Variants in NBEAL1 observed in about 807,000 individuals in gnomAD.
NBEAL1 encodes the protein neurobeachin-like protein 1.
A neutral mutation model predicts 351.3 loss-of-function variants in NBEAL1; 273 were observed. That is an observed-to-expected ratio of 0.78 (90% CI 0.70 to 0.86). NBEAL1 has a LOEUF of 0.86. Ranked by LOEUF, NBEAL1 falls within the 40% of genes least tolerant of loss-of-function variation. The pLI is 0.00. For synonymous variants in NBEAL1, 1,050 were observed against 1,086.4 expected (o/e 0.97, Z 0.66); for missense variants, 2,961 against 3,201.3 (o/e 0.92, Z 1.81).
chr2:203,196,030 CT>C (rs1575115793), intron 47 of NBEAL1, among the ~76,000 whole-genome samples: 1 of 152,158 alleles, frequency 6.6e-6, no homozygotes, highest in East Asian at 1.9e-4. Flanking sequence ...GCAAGTAGGC[CT>C]TTCTGTAACA....
chr2:203,062,116 G>A lies in NBEAL1; in HGVS notation c.515+4663G>A. The A allele has an allele frequency of 2.7e-6, 1 of 374,694 alleles. No homozygotes were observed. Among genetic ancestry groups the A allele is most frequent in the South Asian group, 2.0e-5 (1 of 49,080 alleles). The allele number at this position is 374,694 out of a possible 1,614,324, so 23.2% of individuals were successfully genotyped here. On this transcript the variant is annotated intron_variant, in intron 6 of 55. Coordinates refer to ENST00000683969, the MANE Select transcript of NBEAL1 (RefSeq NM_001378026.1). The surrounding 1 kb of genome is among the most constrained non-coding windows in gnomAD (Gnocchi z 4.2). ...GCATACACATGGTTTTACTTTAGTA[G>A]AAACTTTCTTGTTCAGATTAAGATT...
At chr2:203,158,003 G>A (rs535934231) in intron 36 of NBEAL1, among the ~76,000 whole-genome samples, 178 bp downstream of exon 36, 1 of 152,026 alleles carries the variant, frequency 6.6e-6, no homozygotes, top group African/African-American at 2.4e-5. Context: ...CTTAGAACTG[G>A]GATAACATGG....
chr2:203,051,322 C>T (rs774065921), intron 4 of NBEAL1, among the ~76,000 whole-genome samples: 1 of 152,034 alleles, frequency 6.6e-6, no homozygotes, highest in Non-Finnish European at 1.5e-5. Flanking sequence ...GGAGGTGGAT[C>T]GCTTGAGGTC....
At chr2:203,212,200 G>A (rs2065806338) in intron 54 of NBEAL1, among the ~76,000 whole-genome samples, 1 of 151,904 alleles carries the variant, frequency 6.6e-6, no homozygotes, top group Admixed American at 6.6e-5. Context: ...AGATTTCTGG[G>A]CTTCTTACCC....
At chr2:203,190,491 T>C (rs1025447521) in intron 46 of NBEAL1, 102 bp downstream of exon 46, 35 of 833,582 alleles carry the variant, frequency 4.2e-5, no homozygotes, top group Middle Eastern at 3.6e-4. Flanking sequence ...AGCCAGTTAC[T>C]CTCAGTCACA....
At chr2:203,162,666 C>A (rs1301543591) in intron 36 of NBEAL1, among the ~76,000 whole-genome samples, 1 of 151,974 alleles carries the variant, frequency 6.6e-6, no homozygotes, top group Non-Finnish European at 1.5e-5. Flanking sequence ...AATGTTTGAG[C>A]CTGGAAGGTG....
At chr2:203,155,388 A>G (rs2063773586) in intron 35 of NBEAL1, among the ~76,000 whole-genome samples, 1 of 151,932 alleles carries the variant, frequency 6.6e-6, no homozygotes, top group Non-Finnish European at 1.5e-5. Flanking sequence ...TTTAGTGGTT[A>G]TCCTTCTCTG....
At chr2:203,167,080 A>G (rs946696440) in intron 37 of NBEAL1, 147 bp from the exon 38 acceptor site, 4 of 598,402 alleles carry the variant, frequency 6.7e-6, no homozygotes, top group Non-Finnish European at 8.1e-6. Context: ...CAGTTTAAAT[A>G]TCCAACACAT....
chr2:203,113,647 C>T (rs889098306), intron 17 of NBEAL1, among the ~76,000 whole-genome samples: 3 of 152,092 alleles, frequency 2.0e-5, no homozygotes, highest in Non-Finnish European at 2.9e-5. Context: ...TTTATTTTCT[C>T]ACAGTTCTGG....
intron 4 of NBEAL1, among the ~76,000 whole-genome samples, chr2:203,052,834 C>T (rs907550992): frequency 2.6e-5 from 4 of 151,914 alleles, no homozygotes; most frequent in Non-Finnish European, 5.9e-5. Context: ...GATCCTTCCG[C>T]CTTGACCTCC....
chr2:203,127,351 C>A (rs2062962438), intron 23 of NBEAL1, among the ~76,000 whole-genome samples: 1 of 152,082 alleles, frequency 6.6e-6, no homozygotes, highest in Admixed American at 6.5e-5. Flanking sequence ...GAAAAGCAAG[C>A]CAAAGTTACT....
chr2:203,072,969 C>T (rs547531998), intron 7 of NBEAL1, among the ~76,000 whole-genome samples: 1 of 152,120 alleles, frequency 6.6e-6, no homozygotes, highest in Non-Finnish European at 1.5e-5. Context: ...GCAGGGTTCT[C>T]TTTTCCTCTG....
intron 3 of NBEAL1, among the ~76,000 whole-genome samples, chr2:203,048,696 T>G (rs1390902355): frequency 1.3e-5 from 2 of 152,198 alleles, no homozygotes; most frequent in Non-Finnish European, 2.9e-5. Flanking sequence ...ACCCATGTCT[T>G]TAGACGTTGA....
At chr2:203,048,059 AC>A (rs2061258795) in intron 3 of NBEAL1, among the ~76,000 whole-genome samples, 1 of 151,968 alleles carries the variant, frequency 6.6e-6, no homozygotes, top group African/African-American at 2.4e-5. Flanking sequence ...ATTATCTGTG[AC>A]TCAACATGCC....
chr2:203,199,584 G>A (rs2065337720), intron 49 of NBEAL1, 137 bp downstream of exon 49: 4 of 522,370 alleles, frequency 7.7e-6, no homozygotes, highest in South Asian at 5.4e-5. Context: ...TTGCTCTGCG[G>A]TGCAGTGGCG....
At chr2:203,096,890 T>C (rs749984170) in intron 10 of NBEAL1, among the ~76,000 whole-genome samples, 20 of 152,176 alleles carry the variant, frequency 1.3e-4, no homozygotes, top group Non-Finnish European at 2.1e-4. Context: ...CGTACTACGG[T>C]ATCTTTGGTT....
chr2:203,136,928 G>C (rs557910463), intron 29 of NBEAL1, among the ~76,000 whole-genome samples, 154 bp downstream of exon 29: 2 of 152,142 alleles, frequency 1.3e-5, no homozygotes, highest in Non-Finnish European at 2.9e-5. Flanking sequence ...ATCTTTTGCC[G>C]TATTAGTAGG....
At chr2:203,054,526 T>A (rs2061375570) in intron 4 of NBEAL1, among the ~76,000 whole-genome samples, 1 of 152,118 alleles carries the variant, frequency 6.6e-6, no homozygotes, top group South Asian at 2.1e-4. Flanking sequence ...TGCCTCTGCC[T>A]CTCAAAGTGT....
At chr2:203,181,411 G>A (rs2064714093) in intron 43 of NBEAL1, 1 of 152,034 alleles carries the variant, frequency 6.6e-6, no homozygotes, top group Non-Finnish European at 1.5e-5. Context: ...TAAAATGACA[G>A]GATATAAGTT....
Sources: allele counts gnomAD v4.1 joint callset (sites outside exome capture counted in the v4.1 genomes callset), GRCh38; gene constraint gnomAD v4.1.1; non-coding constraint Gnocchi (gnomAD v3.1); transcripts MANE v1.5; gene names NCBI Gene and HGNC (gene_info 2026-07-23, HGNC 2026-07-21).